NCMAP: variants seen among roughly 807,000 people sequenced by gnomAD.
The protein encoded by NCMAP is noncompact myelin-associated protein.
A neutral mutation model predicts 7.8 loss-of-function variants in NCMAP; 8 were observed. The ratio of observed to expected loss-of-function variants is 1.02; its 90% CI spans 0.60 to 1.84. The LOEUF (loss-of-function observed/expected upper bound fraction) is 1.84. Ranked by LOEUF, NCMAP falls within the 40% of genes most tolerant of loss-of-function variation. NCMAP has a pLI of 0.00. For missense variants in NCMAP, 112 were observed against 131.4 expected, an observed-to-expected ratio of 0.85 and a Z score of 0.72; for synonymous variants, 41 against 52.9, an observed-to-expected ratio of 0.78 and a Z score of 0.98.
At chr1:24,599,837 C>T (rs202099373) in intron 2 of NCMAP, among the ~76,000 whole-genome samples, 7 of 60,436 alleles carry the variant, frequency 1.2e-4, no homozygotes, top group Non-Finnish European at 2.4e-4. Context: ...CCCCCCCCCC[C>T]CCTTGGCCTC....
chr1:24,574,710 C>T (rs1249869723), intron 1 of NCMAP, among the ~76,000 whole-genome samples: 1 of 151,798 alleles, frequency 6.6e-6, no homozygotes, highest in Non-Finnish European at 1.5e-5. Flanking sequence ...ACACTGGAGA[C>T]GGTGTCCAGG....
intron 1 of NCMAP, among the ~76,000 whole-genome samples, chr1:24,568,958 T>C (rs1284779173): frequency 1.3e-5 from 2 of 152,030 alleles, no homozygotes; most frequent in African/African-American, 4.8e-5. Flanking sequence ...CAGAGCATGC[T>C]AGTTTCTTAT....
intron 1 of NCMAP, among the ~76,000 whole-genome samples, chr1:24,559,111 GA>G (rs1203001576): frequency 2.0e-5 from 3 of 152,208 alleles, no homozygotes; most frequent in Admixed American, 2.0e-4. Context: ...TTGCTGGCCA[GA>G]AGTGCCTGTG....
Position 24,600,962 on chromosome 1 carries a change from C to T in NCMAP, c.105C>T (p.Ala35=), listed in dbSNP as rs757667971. 5.6e-6 allele frequency: 9 copies of T among 1,614,092 alleles called. No individual in the cohort carries two copies. The highest frequency in any genetic ancestry group is 3.3e-5 in the South Asian group (3 of 91,068). The change falls in exon 3 of 4, where the codon GCC becomes GCT. Residue 35 remains alanine (A), a synonymous_variant. Transcript: ENST00000374392. The part of the protein sequence containing the change: ...LYKSSGAIVA[A]VVVVVIIIFT... ...TAGGTTCTGGAGCCATTGTTGCTGC[C>T]GTTGTGGTGGTTGTCATCATCATCT...
At chr1:24,579,053 C>T (rs1238319261) in intron 1 of NCMAP, among the ~76,000 whole-genome samples, 2 of 152,156 alleles carry the variant, frequency 1.3e-5, no homozygotes, top group South Asian at 2.1e-4. Flanking sequence ...GCGCGGACCT[C>T]GGCATCTTCT....
intron 1 of NCMAP, among the ~76,000 whole-genome samples, chr1:24,585,611 CAGGGA>C (rs1374641791): frequency 6.6e-6 from 1 of 152,140 alleles, no homozygotes; most frequent in African/African-American, 2.4e-5. Context: ...AACCAAGGTC[CAGGGA>C]AGGGAGAGGA....
At chr1:24,602,485 G>A (rs1652538178) in intron 3 of NCMAP, among the ~76,000 whole-genome samples, 1 of 134,790 alleles carries the variant, frequency 7.4e-6, no homozygotes, top group African/African-American at 3.3e-5. Flanking sequence ...CAGGAGAATG[G>A]CGTGAACCCG....
Position 24,597,678 on chromosome 1 carries a change from AAAAG to A in NCMAP, c.82+2180_82+2183del, listed in dbSNP as rs1370734205. ...AAGAAAGAAAGAAAGAAAGAAAAGA[AAAAG>A]AAAGAAAGAAAGAGAAAGAAGGAAA... On this transcript the variant is annotated intron_variant, in intron 2 of 3. Transcript: ENST00000374392. Among the ~76,000 whole-genome samples, 95 of 116,222 alleles carry A rather than the reference AAAAG, an allele frequency of 8.2e-4. 3 individuals carry two copies. The highest frequency in any genetic ancestry group is 9.0e-4 in the Admixed American group (10 of 11,080). The allele number at this position is 116,222 out of a possible 152,430, so 76.2% of individuals were successfully genotyped here.
At chr1:24,568,964 C>T (rs1651307265) in intron 1 of NCMAP, among the ~76,000 whole-genome samples, 2 of 152,100 alleles carry the variant, frequency 1.3e-5, no homozygotes, top group South Asian at 2.1e-4. Context: ...ATGCTAGTTT[C>T]TTATTGTGGA....
At chr1:24,604,598 AAAAAAAAATATATATATATATATATATAT>A (rs1652633613) in intron 3 of NCMAP, among the ~76,000 whole-genome samples, 4 of 60,662 alleles carry the variant, frequency 6.6e-5, no homozygotes, top group African/African-American at 4.5e-4. Context: ...AAAAAAAAAA[AAAAAAAAATATATATATATATATATATAT>A]ATATATATAT....
chr1:24,587,770 C>T (rs1316512061), intron 1 of NCMAP, among the ~76,000 whole-genome samples: 1 of 152,082 alleles, frequency 6.6e-6, no homozygotes, highest in Non-Finnish European at 1.5e-5. Flanking sequence ...ACCTCGGCCT[C>T]CCAAAATGCT....
Position 24,605,990 on chromosome 1 carries a change from T to A in NCMAP, c.*243T>A. On this transcript the variant is annotated 3_prime_UTR_variant, in exon 4 of 4. Transcript: ENST00000374392. ...TGCAGAACATTCTTTTGTCATCTGATGAGGTAGAGCTATGTTGGGAATCCA... is the reference window on the plus strand; with the variant it reads ...TGCAGAACATTCTTTTGTCATCTGAAGAGGTAGAGCTATGTTGGGAATCCA... 2.0e-6 allele frequency: 1 copy of A among 508,138 alleles called. No homozygotes were observed. The highest frequency in any genetic ancestry group is 3.5e-6 in the Non-Finnish European group (1 of 283,898). 31.5% of individuals were successfully genotyped at this position (508,138 alleles called of 1,614,324 possible). A position where few individuals can be genotyped will look rare whatever the true frequency, so the allele number is the denominator to read the frequency against.
chr1:24,577,375 G>A (rs1651602959), intron 1 of NCMAP, among the ~76,000 whole-genome samples: 1 of 125,038 alleles, frequency 8.0e-6, no homozygotes, highest in South Asian at 2.6e-4. Flanking sequence ...TCAGATTTTT[G>A]GAGTTTCTAA....
At chr1:24,604,939 A>G (rs1331106695) in intron 3 of NCMAP, among the ~76,000 whole-genome samples, 1 of 151,500 alleles carries the variant, frequency 6.6e-6, no homozygotes, top group Non-Finnish European at 1.5e-5. Flanking sequence ...ACATGTTGAA[A>G]CCCCATCTCT....
Position 24,604,567 on chromosome 1 carries a change from A to ACT in NCMAP, c.168-1038_168-1037dup, listed in dbSNP as rs544049801. On this transcript the variant is annotated intron_variant, in intron 3 of 3. Coordinates refer to ENST00000374392, the MANE Select transcript of NCMAP (RefSeq NM_001010980.5). ...CTTCAGCCTGGGCAACCAGGGTAAG[A>ACT]CTGTCTAAAAAAAAAAAAAAAAAAA... Among the ~76,000 whole-genome samples the ACT allele has an allele frequency of 5.3e-4, 43 of 80,854 alleles. 8 individuals are homozygous for ACT. The highest frequency in any genetic ancestry group is 2.8e-3 in the African/African-American group (41 of 14,822). The allele number at this position is 80,854 out of a possible 152,430, so 53.0% of individuals were successfully genotyped here.
At chr1:24,602,557 G>A (rs1244122222) in intron 3 of NCMAP, among the ~76,000 whole-genome samples, 2 of 96,074 alleles carry the variant, frequency 2.1e-5, no homozygotes, top group African/African-American at 5.7e-5. Flanking sequence ...GCGACAGAAC[G>A]AGACTCCATC....
At chr1:24,573,432 A>G (rs1263221703) in intron 1 of NCMAP, among the ~76,000 whole-genome samples, 1 of 150,660 alleles carries the variant, frequency 6.6e-6, no homozygotes, top group Non-Finnish European at 1.5e-5. Flanking sequence ...TACTAAAAAT[A>G]CAGAAATCAG....
chr1:24,559,996 C>T (rs368292439), intron 1 of NCMAP, among the ~76,000 whole-genome samples: 1 of 151,952 alleles, frequency 6.6e-6, no homozygotes, highest in South Asian at 2.1e-4. Flanking sequence ...CCTGTCTCTA[C>T]TAAAAATACA....
At chr1:24,603,780 A>T (rs747334953) in intron 3 of NCMAP, among the ~76,000 whole-genome samples, 1 of 151,810 alleles carries the variant, frequency 6.6e-6, no homozygotes, top group Non-Finnish European at 1.5e-5. Context: ...GTGTGACAAT[A>T]GAGAAAGAGA....
Sources: gnomAD v4.1 joint callset for allele counts (sites outside exome capture counted in the v4.1 genomes callset) on GRCh38, gnomAD v4.1.1 for gene constraint, MANE v1.5 for transcripts, NCBI Gene and HGNC (gene_info 2026-07-23, HGNC 2026-07-21) for gene names.